Variants in KCTD16 observed in about 807,000 individuals in gnomAD.
KCTD16 encodes potassium channel tetramerization domain containing 16, also known as BTB/POZ domain-containing protein KCTD16.
Under a neutral mutation model 33.2 loss-of-function variants are expected in KCTD16, and 13 were observed. The observed-to-expected ratio is 0.39, with a 90% CI of 0.25 to 0.62. KCTD16 has a LOEUF of 0.62. Among genes scored for constraint, KCTD16 ranks in the 20% least tolerant of loss-of-function variants. KCTD16 has a pLI of 0.50. For missense variants in KCTD16, 441 were observed against 525.1 expected (o/e 0.84, Z 1.57); for synonymous variants, 197 against 195.3 (o/e 1.01, Z -0.07).
At chr5:144,205,544 C>T (rs3797084) in intron 2 of KCTD16, 93,572 of 398,482 alleles carry the variant, frequency 0.23, 13,334 homozygotes, top group African/African-American at 0.47. Flanking sequence ...TTGCCCTTGC[C>T]GGCAGGTGGG....
intron 3 of KCTD16, among the ~76,000 whole-genome samples, chr5:144,217,135 CAG>C (rs1191576877): frequency 3.3e-5 from 5 of 152,224 alleles, no homozygotes; most frequent in African/African-American, 1.2e-4. Context: ...CTACCCCAAA[CAG>C]AGAATGAGCT....
At chr5:144,254,900 C>T (rs1754804666) in intron 3 of KCTD16, among the ~76,000 whole-genome samples, 1 of 152,114 alleles carries the variant, frequency 6.6e-6, no homozygotes, top group Non-Finnish European at 1.5e-5. Flanking sequence ...GCTGGGACCA[C>T]AGGTGTGCAT....
intron 3 of KCTD16, among the ~76,000 whole-genome samples, chr5:144,400,673 T>C (rs1467960818): frequency 6.6e-6 from 1 of 152,170 alleles, no homozygotes; most frequent in Non-Finnish European, 1.5e-5. Flanking sequence ...GGTCTCTACC[T>C]ACATAGATCT....
chr5:144,336,075 G>A (rs1189636054), intron 3 of KCTD16, among the ~76,000 whole-genome samples: 1 of 152,184 alleles, frequency 6.6e-6, no homozygotes, highest in Non-Finnish European at 1.5e-5. Flanking sequence ...AGGCCTTCCT[G>A]TGAGACCACA....
intron 2 of KCTD16, among the ~76,000 whole-genome samples, chr5:144,186,364 G>GAAAAAA (rs200549095): frequency 1.4e-5 from 2 of 142,254 alleles, no homozygotes; most frequent in African/African-American, 2.6e-5. Context: ...AAAAAAAAAA[G>GAAAAAA]AAAAAAAAAA....
At chr5:144,306,994 T>C (rs1167134503) in intron 3 of KCTD16, among the ~76,000 whole-genome samples, 1 of 152,212 alleles carries the variant, frequency 6.6e-6, no homozygotes, top group Non-Finnish European at 1.5e-5. Context: ...TTTATGGCTT[T>C]CTACCACTTA....
intron 3 of KCTD16, among the ~76,000 whole-genome samples, chr5:144,410,044 G>T (rs1273202098): frequency 6.6e-6 from 1 of 152,132 alleles, no homozygotes; most frequent in Non-Finnish European, 1.5e-5. Flanking sequence ...CCAGGAAGAG[G>T]CACTAGCATG....
At chr5:144,340,199 G>C (rs1366762604) in intron 3 of KCTD16, among the ~76,000 whole-genome samples, 1 of 151,830 alleles carries the variant, frequency 6.6e-6, no homozygotes, top group Non-Finnish European at 1.5e-5. Flanking sequence ...TGGATCACGA[G>C]GTCAGGAGAT....
At chr5:144,434,242 G>T (rs1044226316) in intron 3 of KCTD16, among the ~76,000 whole-genome samples, 1 of 152,040 alleles carries the variant, frequency 6.6e-6, no homozygotes, top group East Asian at 1.9e-4. Context: ...TTTCTGGGTG[G>T]TTTTTGTCTC....
intron 3 of KCTD16, among the ~76,000 whole-genome samples, chr5:144,242,430 G>T (rs2126822825): frequency 6.6e-6 from 1 of 151,896 alleles, no homozygotes; most frequent in East Asian, 1.9e-4. Flanking sequence ...CCTTTACCAA[G>T]TTCCCAACTA....
intron 2 of KCTD16, among the ~76,000 whole-genome samples, chr5:144,200,319 A>G (rs1272025229): frequency 6.6e-6 from 1 of 152,170 alleles, no homozygotes; most frequent in East Asian, 1.9e-4. Context: ...AGAAACTGTG[A>G]GAGAAATGAC....
chr5:144,213,510 C>A (rs1460049835), intron 3 of KCTD16, among the ~76,000 whole-genome samples: 1 of 151,788 alleles, frequency 6.6e-6, no homozygotes, highest in Non-Finnish European at 1.5e-5. Context: ...GGGTTTTGCT[C>A]ATCCATCTCT....
intron 3 of KCTD16, among the ~76,000 whole-genome samples, chr5:144,460,067 C>T (rs1388964013): frequency 2.0e-5 from 3 of 151,024 alleles, no homozygotes; most frequent in East Asian, 2.0e-4. Context: ...ATCCTGACCT[C>T]GTGATCCGCC....
At chr5:144,223,085 T>C (rs977624153) in intron 3 of KCTD16, among the ~76,000 whole-genome samples, 1 of 152,030 alleles carries the variant, frequency 6.6e-6, no homozygotes, top group Non-Finnish European at 1.5e-5. Context: ...TAGGTGGGAA[T>C]TGAACAATGA....
chr5:144,348,986 G>T (rs1561576435), intron 3 of KCTD16, among the ~76,000 whole-genome samples: 1 of 152,090 alleles, frequency 6.6e-6, no homozygotes, highest in African/African-American at 2.4e-5. Flanking sequence ...GCCTGTGTAG[G>T]TGAGGGCTTC....
At chr5:144,384,868 G>A (rs971858777) in intron 3 of KCTD16, among the ~76,000 whole-genome samples, 15 of 152,194 alleles carry the variant, frequency 9.9e-5, no homozygotes, top group African/African-American at 2.9e-4. Flanking sequence ...GTAATTAAGA[G>A]TATAAAATAG....
chr5:144,299,130 ATATATATATATATATATATTTT>A (rs1751329009), intron 3 of KCTD16, among the ~76,000 whole-genome samples: 9 of 27,092 alleles, frequency 3.3e-4, no homozygotes, highest in Admixed American at 4.0e-4. Context: ...ATATATATAT[ATATATATATATATATATATTTT>A]TTTTTTTTTT....
intron 3 of KCTD16, among the ~76,000 whole-genome samples, chr5:144,275,912 G>T (rs535547572): frequency 6.6e-6 from 1 of 152,286 alleles, no homozygotes; most frequent in Admixed American, 6.5e-5. Context: ...CATGACGAAA[G>T]CCTTTCTTGA....
At chr5:144,194,557 A>G in intron 2 of KCTD16, among the ~76,000 whole-genome samples, 1 of 152,254 alleles carries the variant, frequency 6.6e-6, no homozygotes, top group East Asian at 1.9e-4. Context: ...TTTTAAAAAG[A>G]CACGAAGCAA....
Sources: gnomAD v4.1 joint callset for allele counts (sites outside exome capture counted in the v4.1 genomes callset) on GRCh38, gnomAD v4.1.1 for gene constraint, MANE v1.5 for transcripts, NCBI Gene and HGNC (gene_info 2026-07-23, HGNC 2026-07-21) for gene names.